Variants in SCARB1 observed in about 807,000 individuals in gnomAD.
SCARB1 encodes the protein scavenger receptor class B member 1, also known as CD36 and LIMPII analogous 1.
In SCARB1, 30 loss-of-function variants were observed where a neutral mutation model predicts 57.2. That is an observed-to-expected ratio of 0.52 (90% CI 0.39 to 0.71). The LOEUF (loss-of-function observed/expected upper bound fraction) is 0.71. Ranked by LOEUF, SCARB1 falls within the 30% of genes least tolerant of loss-of-function variation. SCARB1 has a pLI of 0.00. For synonymous variants in SCARB1, 249 were observed against 268.3 expected (o/e 0.93, Z 0.70); for missense variants, 543 against 671.2 (o/e 0.81, Z 2.11).
At chr12:124,828,948 T>C (rs1951276206) in intron 1 of SCARB1, among the ~76,000 whole-genome samples, 1 of 152,180 alleles carries the variant, frequency 6.6e-6, no homozygotes, top group Admixed American at 6.5e-5. Flanking sequence ...AGTGGCTGAC[T>C]ACACTCTCAA....
rs1386216111 is a variant in SCARB1, at chr12:124,796,307, G to A, written c.1129-1039C>T. 4.0e-5 allele frequency among the ~76,000 whole-genome samples: 6 copies of A among 151,502 alleles called. No individual in the cohort carries two copies. Among genetic ancestry groups the A allele is most frequent in the South Asian group, 4.2e-4 (2 of 4,786 alleles). ...GTTTCACTATGTTGCCCAGGCTGGCGTCAAACTCCTAGCCTCAAGTGATCT... is the reference window on the plus strand; with the variant it reads ...GTTTCACTATGTTGCCCAGGCTGGCATCAAACTCCTAGCCTCAAGTGATCT... On this transcript the variant is annotated intron_variant, in intron 8 of 12. Coordinates refer to ENST00000261693, the MANE Select transcript of SCARB1 (RefSeq NM_005505.5). The surrounding 1 kb of genome is among the most constrained non-coding windows in gnomAD (Gnocchi z 4.0).
rs1260458825 is a variant in SCARB1 at position 124,786,466 on chromosome 12, T to C, written c.1292A>G (p.Tyr431Cys). The change falls in exon 11 of 13, where the codon TAC becomes TGC. Residue 431 changes from tyrosine to cysteine, a missense_variant. By Grantham distance (194) the Tyr-to-Cys change is radical. Coordinates refer to ENST00000261693, the MANE Select transcript of SCARB1 (RefSeq NM_005505.5). Reference protein sequence around the residue: ...AMEGETLHTFYTQLVLMPKVM... With the variant: ...AMEGETLHTFCTQLVLMPKVM... Reference sequence around the variant, plus strand: ...CTTGGGCATCAACACCAGCTGAGTGTAGAATGTGTGAAGAGTCTCCCCCTC... The same window carrying C: ...CTTGGGCATCAACACCAGCTGAGTGCAGAATGTGTGAAGAGTCTCCCCCTC... The C allele has an allele frequency of 6.2e-7, 1 of 1,614,080 alleles. No individual in the cohort carries two copies. Among genetic ancestry groups the C allele is most frequent in the South Asian group, 1.1e-5 (1 of 91,088 alleles).
chr12:124,853,693 C>A (rs1367819676), intron 1 of SCARB1, among the ~76,000 whole-genome samples: 1 of 152,152 alleles, frequency 6.6e-6, no homozygotes, highest in Non-Finnish European at 1.5e-5. Flanking sequence ...CTGTGCCCGG[C>A]CCAATTTGCA....
At chr12:124,821,256 A>ACG (rs1566199672) in intron 1 of SCARB1, 5 of 278,888 alleles carry the variant, frequency 1.8e-5, no homozygotes, top group South Asian at 1.5e-4. Context: ...ACACACACAC[A>ACG]CACGCACACA....
chr12:124,831,868 C>T (rs542776532), intron 1 of SCARB1, among the ~76,000 whole-genome samples: 11 of 152,318 alleles, frequency 7.2e-5, no homozygotes, highest in African/African-American at 2.6e-4. Flanking sequence ...AGAAGAACAA[C>T]AGACAAATCC....
intron 1 of SCARB1, among the ~76,000 whole-genome samples, chr12:124,837,011 G>A (rs1018293386): frequency 2.0e-5 from 3 of 152,116 alleles, no homozygotes; most frequent in Admixed American, 1.3e-4. Context: ...TCAGACCAGC[G>A]AAGAGAATGC....
chr12:124,852,953 C>G (rs1225901658), intron 1 of SCARB1, among the ~76,000 whole-genome samples: 1 of 152,074 alleles, frequency 6.6e-6, no homozygotes, highest in Non-Finnish European at 1.5e-5. Context: ...GCTGGAGAGT[C>G]GTTTGAACCG....
chr12:124,849,874 G>C (rs11057863), intron 1 of SCARB1, among the ~76,000 whole-genome samples: 36,057 of 122,060 alleles, frequency 0.3, 6,385 homozygotes, highest in Non-Finnish European at 0.33. Flanking sequence ...ACCAGCCTGG[G>C]CAACATAGCA....
At chr12:124,816,711 G>T (rs1045063644) in intron 2 of SCARB1, among the ~76,000 whole-genome samples, 2 of 152,056 alleles carry the variant, frequency 1.3e-5, no homozygotes, top group African/African-American at 4.8e-5. Flanking sequence ...AACGCCAGGA[G>T]GTAAGGGAGT....
rs1044612322 is a variant in SCARB1, at chr12:124,796,398, C to T, written c.1129-1130G>A. Among the ~76,000 whole-genome samples, 6 of 151,634 alleles carry T rather than the reference C, an allele frequency of 4.0e-5. No homozygotes were observed. The highest frequency in any genetic ancestry group is 6.6e-5 in the Admixed American group (1 of 15,254). ...AGCCACTATACCCAGCTCTTTTTAA[C>T]GAGACTTTTTTTTTTAAGTAAATAA... is the stretch of plus-strand genomic sequence containing the variant. On this transcript the variant is annotated intron_variant, in intron 8 of 12. Coordinates refer to ENST00000261693, the MANE Select transcript of SCARB1 (RefSeq NM_005505.5). The surrounding 1 kb of genome is among the most constrained non-coding windows in gnomAD (Gnocchi z 4.0).
chr12:124,794,222 A>G (rs924000437), intron 9 of SCARB1, among the ~76,000 whole-genome samples: 1 of 152,246 alleles, frequency 6.6e-6, no homozygotes, highest in East Asian at 1.9e-4. Flanking sequence ...GTGGTGATAG[A>G]TACACAATTC....
chr12:124,814,463 T>C lies in SCARB1; in HGVS notation c.427-58A>G. The C allele has an allele frequency of 6.4e-7, 1 of 1,554,892 alleles. No homozygotes were observed. The highest frequency in any genetic ancestry group is 2.2e-5 in the East Asian group (1 of 44,590). Reference sequence around the variant, plus strand: ...TGGACGTGGCTGGCCCATCCTCCCTTGGCCCCAGCTGGGCCTCACAGCAAA... The same window carrying C: ...TGGACGTGGCTGGCCCATCCTCCCTCGGCCCCAGCTGGGCCTCACAGCAAA... On this transcript the variant is annotated intron_variant, in intron 3 of 12. Coordinates refer to ENST00000261693, the MANE Select transcript of SCARB1 (RefSeq NM_005505.5). The surrounding 1 kb of genome is among the most constrained non-coding windows in gnomAD (Gnocchi z 4.7).
At chr12:124,793,896 C>T (rs1222437428) in intron 9 of SCARB1, among the ~76,000 whole-genome samples, 1 of 152,068 alleles carries the variant, frequency 6.6e-6, no homozygotes, top group East Asian at 1.9e-4. Context: ...ACGGCCCAGG[C>T]GTGGAAACAA....
rs775174379 is a variant in SCARB1, at chr12:124,817,759, G to A, written c.127-52C>T. Reference sequence around the variant, plus strand: ...GTGAGGAGAGTGATGAGGGCCCCACGCCCCACCACAAGGCTCCGGAACAGC... The same window carrying A: ...GTGAGGAGAGTGATGAGGGCCCCACACCCCACCACAAGGCTCCGGAACAGC... On this transcript the variant is annotated intron_variant, in intron 1 of 12. Coordinates refer to ENST00000261693, the MANE Select transcript of SCARB1 (RefSeq NM_005505.5). The surrounding 1 kb of genome is among the most constrained non-coding windows in gnomAD (Gnocchi z 4.8). 6.3e-6 allele frequency: 10 copies of A among 1,598,420 alleles called. No individual in the cohort carries two copies. Among genetic ancestry groups the A allele is most frequent in the South Asian group, 1.1e-5 (1 of 90,716 alleles).
rs1872605436 is a variant in SCARB1, at chr12:124,777,550, AGAG to A, written c.*1034_*1036del. 1 of 152,220 alleles carries A rather than the reference AGAG, an allele frequency of 6.6e-6. No homozygotes were observed. The highest frequency in any genetic ancestry group is 1.5e-5 in the Non-Finnish European group (1 of 68,040). 9.4% of individuals were successfully genotyped at this position (152,220 alleles called of 1,614,324 possible). On this transcript the variant is annotated 3_prime_UTR_variant, in exon 13 of 13. Coordinates refer to ENST00000261693, the MANE Select transcript of SCARB1 (RefSeq NM_005505.5). ...GCCACCAGAAAGGAGCTATTGACCAAGAGAAGAGGAGCCCGGAACTTCCCAGAG... is the reference window on the plus strand; with the variant it reads ...GCCACCAGAAAGGAGCTATTGACCAAAAGAGGAGCCCGGAACTTCCCAGAG...
chr12:124,849,742 A>T lies in SCARB1; in HGVS notation c.126+13853T>A, dbSNP rs1276383919. ...AACCCAAGTCAGTCCAGATCTAACAATCTGACAGCTGATGAAACTTTCCCC... is the reference window on the plus strand; with the variant it reads ...AACCCAAGTCAGTCCAGATCTAACATTCTGACAGCTGATGAAACTTTCCCC... On this transcript the variant is annotated intron_variant, in intron 1 of 12. Coordinates refer to ENST00000261693, the MANE Select transcript of SCARB1 (RefSeq NM_005505.5). 6.6e-5 allele frequency among the ~76,000 whole-genome samples: 10 copies of T among 152,358 alleles called. No individual in the cohort carries two copies. In the East Asian group the frequency reaches 1.5e-3, roughly 23 times the overall value.
intron 1 of SCARB1, among the ~76,000 whole-genome samples, chr12:124,852,648 C>T (rs898454075): frequency 6.6e-6 from 1 of 152,244 alleles, no homozygotes; most frequent in African/African-American, 2.4e-5. Flanking sequence ...ATGAACGAGA[C>T]AGATAAAGTC....
At position 124,812,230 on chromosome 12, in the gene SCARB1, G is replaced by A. The variant is rs1056235552; in HGVS notation, c.631-265C>T. 1.4e-4 allele frequency among the ~76,000 whole-genome samples: 22 copies of A among 152,128 alleles called. No individual in the cohort carries two copies. The highest frequency in any genetic ancestry group is 5.3e-4 in the African/African-American group (22 of 41,424). ...AGTCTGGCTTTCCTCCCAGGTAAAT[G>A]GCAGATCACCCCCACCACACCCTAC... On this transcript the variant is annotated intron_variant, in intron 4 of 12. Transcript: ENST00000261693. The surrounding 1 kb of genome is among the most constrained non-coding windows in gnomAD (Gnocchi z 4.3).
At chr12:124,818,145 G>C (rs1950814130) in intron 1 of SCARB1, among the ~76,000 whole-genome samples, 1 of 152,214 alleles carries the variant, frequency 6.6e-6, no homozygotes, top group African/African-American at 2.4e-5. Flanking sequence ...CGGGTTCTAA[G>C]AGCTGGGGAT....
Sources: gnomAD v4.1 joint callset for allele counts (sites outside exome capture counted in the v4.1 genomes callset) on GRCh38, gnomAD v4.1.1 for gene constraint, Gnocchi (gnomAD v3.1) non-coding constraint, MANE v1.5 for transcripts, NCBI Gene and HGNC (gene_info 2026-07-23, HGNC 2026-07-21) for gene names.